The following PCDHGA7 variants were observed in gnomAD, a reference collection of about 807,000 sequenced individuals.
PCDHGA7 encodes the protein protocadherin gamma-A7.
In PCDHGA7, 44 loss-of-function variants were observed where a neutral mutation model predicts 58.3. That is an observed-to-expected ratio of 0.75 (90% CI 0.59 to 0.97). PCDHGA7 has a LOEUF of 0.97. Among genes scored for constraint, PCDHGA7 ranks in the 50% least tolerant of loss-of-function variants. The probability of loss-of-function intolerance (pLI) is 0.00; values close to 1 mark genes in which losing one functional copy is unlikely to be tolerated. For missense variants in PCDHGA7, 1,266 were observed against 1,188.7 expected (o/e 1.06, Z -0.96); for synonymous variants, 516 against 504.2 (o/e 1.02, Z -0.31).
rs201673318 is a variant in PCDHGA7, at chr5:141,421,626, C to G, written c.2424+36303C>G. On this transcript the variant is annotated intron_variant, in intron 1 of 3. Coordinates refer to ENST00000518325, the MANE Select transcript of PCDHGA7 (RefSeq NM_018920.4). ...TAGATATTAATGATAACGCCCCCAG[C>G]TTCCAGGAGGACGAAGTGGAGATAA... 1.9e-6 allele frequency: 3 copies of G among 1,613,842 alleles called. No individual in the cohort carries two copies. In the African/African-American group the frequency reaches 4.0e-5, roughly 21 times the overall value.
intron 1 of PCDHGA7, among the ~76,000 whole-genome samples, chr5:141,453,261 A>G (rs1387512741): frequency 6.6e-6 from 1 of 152,028 alleles, no homozygotes; most frequent in Non-Finnish European, 1.5e-5. Context: ...CTGCAAGTGC[A>G]CACCACCATG....
At chr5:141,467,103 AGTACAATG>A (rs1438695307) in intron 1 of PCDHGA7, among the ~76,000 whole-genome samples, 1 of 147,462 alleles carries the variant, frequency 6.8e-6, no homozygotes, top group East Asian at 2.0e-4. Flanking sequence ...CACAGGCTGG[AGTACAATG>A]GTGCAATCTC....
chr5:141,496,984 G>C (rs938752499), intron 2 of PCDHGA7, among the ~76,000 whole-genome samples: 1 of 151,896 alleles, frequency 6.6e-6, no homozygotes, highest in Admixed American at 6.6e-5. Context: ...TCAGGGGTTT[G>C]AGACCAGCCT....
chr5:141,481,151 G>A (rs1326614212), intron 1 of PCDHGA7, among the ~76,000 whole-genome samples: 1 of 152,198 alleles, frequency 6.6e-6, no homozygotes, highest in African/African-American at 2.4e-5. Context: ...TGTTATTCTG[G>A]TATTTGCAGA....
At chr5:141,428,099 C>G (rs1304120001) in intron 1 of PCDHGA7, 4 of 1,608,710 alleles carry the variant, frequency 2.5e-6, no homozygotes, top group Non-Finnish European at 2.5e-6. Flanking sequence ...TGTCCTACCA[C>G]GTGCTGCAGG....
At chr5:141,400,015 G>T (rs747874428) in intron 1 of PCDHGA7, 6 of 1,612,768 alleles carry the variant, frequency 3.7e-6, no homozygotes, top group Non-Finnish European at 4.2e-6. Flanking sequence ...TGCCTTGGGC[G>T]ACAGGGACGC....
rs1231591874 is a variant in PCDHGA7 at position 141,431,615 on chromosome 5, G to T, written c.2424+46292G>T. The T allele has an allele frequency of 3.1e-6, 5 of 1,614,118 alleles. No homozygotes were observed. Among genetic ancestry groups the T allele is most frequent in the African/African-American group, 2.7e-5 (2 of 74,950 alleles). On this transcript the variant is annotated intron_variant, in intron 1 of 3. Transcript: ENST00000518325. The surrounding 1 kb of genome is among the most constrained non-coding windows in gnomAD (Gnocchi z 4.8). Reference sequence around the variant, plus strand: ...GAGGTATTCCTTCCGGTATGTGGACGACAAGGCGGCCCAAGTTTTCAAACT... The same window carrying T: ...GAGGTATTCCTTCCGGTATGTGGACTACAAGGCGGCCCAAGTTTTCAAACT...
At chr5:141,496,588 C>T (rs775641672) in intron 2 of PCDHGA7, among the ~76,000 whole-genome samples, 9 of 152,280 alleles carry the variant, frequency 5.9e-5, no homozygotes, top group Non-Finnish European at 1.0e-4. Context: ...GAACGCAAAG[C>T]GCTTCTTAGA....
intron 1 of PCDHGA7, chr5:141,393,714 A>G: frequency 6.2e-7 from 1 of 1,613,878 alleles, no homozygotes; most frequent in South Asian, 1.1e-5. Flanking sequence ...TACTGGGGAA[A>G]TATCAATAGC....
intron 1 of PCDHGA7, chr5:141,421,860 C>G: frequency 8.1e-6 from 13 of 1,613,750 alleles, no homozygotes; most frequent in Non-Finnish European, 1.1e-5. Context: ...CTCACCTGCT[C>G]CTCCTCACAG....
intron 1 of PCDHGA7, among the ~76,000 whole-genome samples, chr5:141,453,322 G>A (rs897661534): frequency 6.6e-6 from 1 of 151,544 alleles, no homozygotes; most frequent in Non-Finnish European, 1.5e-5. Flanking sequence ...TTTTAGAGAT[G>A]GGGTCTCACT....
chr5:141,494,674 C>A lies in PCDHGA7; in HGVS notation c.2425-133C>A, dbSNP rs532644387. ...ATTTTGTCTTTGGAGATGAGTCCAC[C>A]CCTGCCCCCTCTTAGTCCGTTTTCT... is the stretch of plus-strand genomic sequence containing the variant. On this transcript the variant is annotated intron_variant, in intron 1 of 3. Transcript: ENST00000518325. 3.4e-5 allele frequency: 53 copies of A among 1,545,802 alleles called. No homozygotes were observed. In the African/African-American group the frequency reaches 6.5e-4, roughly 19 times the overall value.
At chr5:141,442,089 C>A in intron 1 of PCDHGA7, 1 of 170,684 alleles carries the variant, frequency 5.9e-6, no homozygotes, top group South Asian at 1.1e-4. Context: ...CTCGCTACCG[C>A]CACGTCACCA....
intron 1 of PCDHGA7, among the ~76,000 whole-genome samples, chr5:141,402,640 T>G (rs1180615388): frequency 1.3e-5 from 2 of 152,232 alleles, no homozygotes; most frequent in East Asian, 3.8e-4. Flanking sequence ...TCTAAAATCA[T>G]AATTAGAAGA....
intron 1 of PCDHGA7, chr5:141,400,754 C>A (rs6880273): frequency 0.26 from 150,367 of 588,610 alleles, 21,664 homozygotes; most frequent in African/African-American, 0.5. Context: ...TTAGCTTCCT[C>A]TCTAGCAAAA....
rs560084217 is a variant in PCDHGA7 at position 141,395,247 on chromosome 5, G to A, written c.2424+9924G>A. On this transcript the variant is annotated intron_variant, in intron 1 of 3. Transcript: ENST00000518325. ...AGCTGATCATGGTCAGGTGAGTTTA[G>A]TTCTTTGCTTGCTTTTAATTTCCAG... 4 of 1,561,194 alleles carry A rather than the reference G, an allele frequency of 2.6e-6. No individual in the cohort carries two copies. The East Asian group carries it at 9.1e-5, about 35-fold the overall frequency.
At chr5:141,400,138 A>G (rs1459833287) in intron 1 of PCDHGA7, 4 of 1,614,046 alleles carry the variant, frequency 2.5e-6, no homozygotes, top group Admixed American at 1.7e-5. Context: ...GCTGCCGGAT[A>G]TCACTGACCG....
Position 141,383,391 on chromosome 5 carries a change from G to C in PCDHGA7, c.492G>C (p.Thr164=). ...LSEAGDPDVG[T]NSLQSYQLSP... ...AGGCTGGGGATCCAGATGTGGGCAC[G>C]AACTCCCTCCAGAGTTACCAGCTCA... The change falls in exon 1 of 4, where the codon ACG becomes ACC. Residue 164 remains threonine, a synonymous_variant. Coordinates refer to ENST00000518325, the MANE Select transcript of PCDHGA7 (RefSeq NM_018920.4). 2 of 1,613,978 alleles carry C rather than the reference G, an allele frequency of 1.2e-6. No homozygotes were observed. The highest frequency in any genetic ancestry group is 1.7e-6 in the Non-Finnish European group (2 of 1,179,904).
At chr5:141,399,464 C>T (rs747827208) in intron 1 of PCDHGA7, 4 of 1,614,018 alleles carry the variant, frequency 2.5e-6, no homozygotes, top group South Asian at 1.1e-5. Flanking sequence ...GATAACGCTC[C>T]GGTTTTCCAC....
Sources: allele counts gnomAD v4.1 joint callset (sites outside exome capture counted in the v4.1 genomes callset), GRCh38; gene constraint gnomAD v4.1.1; non-coding constraint Gnocchi (gnomAD v3.1); transcripts MANE v1.5; gene names NCBI Gene and HGNC (gene_info 2026-07-23, HGNC 2026-07-21).